Variants in RFX3 observed in about 807,000 individuals in gnomAD.
RFX3 encodes transcription factor RFX3.
RFX3 carries 14 observed loss-of-function variants against 98.6 expected under a neutral mutation model. The observed-to-expected ratio is 0.14, with a 90% CI of 0.09 to 0.22. The LOEUF is 0.22. RFX3 is among the 10% of genes least tolerant of loss of function. The pLI is 1.00. For synonymous variants in RFX3, 383 were observed against 328.4 expected, an observed-to-expected ratio of 1.17 and a Z score of -1.80; for missense variants, 639 against 926.9, an observed-to-expected ratio of 0.69 and a Z score of 4.03.
intron 3 of RFX3, among the ~76,000 whole-genome samples, chr9:3,335,395 G>C (rs924182651): frequency 3.3e-5 from 5 of 152,052 alleles, no homozygotes; most frequent in Non-Finnish European, 5.9e-5. Context: ...TGATATCTCA[G>C]ATCAGCTCAT....
At chr9:3,478,557 G>A (rs1849469480) in intron 1 of RFX3, among the ~76,000 whole-genome samples, 1 of 151,710 alleles carries the variant, frequency 6.6e-6, no homozygotes, top group African/African-American at 2.4e-5. Context: ...TCTACCTTTT[G>A]CCAAAGAAAT....
chr9:3,261,339 C>T (rs935556339), intron 13 of RFX3, among the ~76,000 whole-genome samples: 3 of 152,076 alleles, frequency 2.0e-5, no homozygotes, highest in Non-Finnish European at 4.4e-5. Flanking sequence ...TACCAATCTA[C>T]CTTCTGTCTG....
At chr9:3,281,680 T>C (rs1161445443) in intron 7 of RFX3, among the ~76,000 whole-genome samples, 4 of 151,822 alleles carry the variant, frequency 2.6e-5, no homozygotes, top group Non-Finnish European at 4.4e-5. Flanking sequence ...TCTCATGCTT[T>C]AATAGCTGAC....
rs1819242795 is a variant in RFX3 at position 3,525,962 on chromosome 9, G to A, written c.-224C>T. The A allele has an allele frequency of 8.0e-6, 4 of 497,816 alleles. No homozygotes were observed. The highest frequency in any genetic ancestry group is 8.8e-5 in the South Asian group (1 of 11,342). The allele number at this position is 497,816 out of a possible 1,614,324, so 30.8% of individuals were successfully genotyped here. Reference sequence around the variant, plus strand: ...AGAGGGAGAGAGAGAGAGAGCGAGAGGGAGAGGGAGACACTCGCACGGGGA... The same window carrying A: ...AGAGGGAGAGAGAGAGAGAGCGAGAAGGAGAGGGAGACACTCGCACGGGGA... On this transcript the variant is annotated 5_prime_UTR_variant, in exon 1 of 17. Coordinates refer to ENST00000617270, the MANE Select transcript of RFX3 (RefSeq NM_001282116.2).
At chr9:3,321,839 C>A (rs1035970984) in intron 4 of RFX3, among the ~76,000 whole-genome samples, 18 of 151,972 alleles carry the variant, frequency 1.2e-4, no homozygotes, top group African/African-American at 4.1e-4. Flanking sequence ...ATCTAATTTT[C>A]TTTTATAAAT....
At chr9:3,395,959 G>C (rs146563589) in intron 1 of RFX3, among the ~76,000 whole-genome samples, 67 of 151,982 alleles carry the variant, frequency 4.4e-4, no homozygotes, top group African/African-American at 1.6e-3. Context: ...ACCCTACCTG[G>C]ATGTAAGTGT....
chr9:3,456,681 T>C (rs1270576471), intron 1 of RFX3, among the ~76,000 whole-genome samples: 2 of 152,198 alleles, frequency 1.3e-5, no homozygotes, highest in African/African-American at 4.8e-5. Context: ...ATCTATTAAA[T>C]ATGTCATAAA....
chr9:3,486,852 T>A (rs988637532), intron 1 of RFX3, among the ~76,000 whole-genome samples: 1 of 152,190 alleles, frequency 6.6e-6, no homozygotes, highest in Non-Finnish European at 1.5e-5. Context: ...TATGTGCACA[T>A]AAGTAATTTC....
At chr9:3,366,098 A>G (rs1410172056) in intron 2 of RFX3, among the ~76,000 whole-genome samples, 1 of 151,970 alleles carries the variant, frequency 6.6e-6, no homozygotes, top group African/African-American at 2.4e-5. Flanking sequence ...CAGCTGAGAG[A>G]TTGTAGAAGC....
chr9:3,227,391 G>A (rs1194198207), intron 16 of RFX3, among the ~76,000 whole-genome samples: 1 of 152,154 alleles, frequency 6.6e-6, no homozygotes, highest in African/African-American at 2.4e-5. Flanking sequence ...ATAAAAGCAA[G>A]CCCATTCTCC....
chr9:3,408,227 G>A (rs1842132688), intron 1 of RFX3, among the ~76,000 whole-genome samples: 2 of 152,070 alleles, frequency 1.3e-5, no homozygotes, highest in South Asian at 4.1e-4. Context: ...CCTTCCTAAT[G>A]GCACTGCAAT....
chr9:3,499,440 T>C, intron 1 of RFX3, among the ~76,000 whole-genome samples: 1 of 152,040 alleles, frequency 6.6e-6, no homozygotes, highest in East Asian at 1.9e-4. Context: ...ATATTAATTA[T>C]AAAATCTATA....
intron 2 of RFX3, among the ~76,000 whole-genome samples, chr9:3,393,417 C>T (rs963367163): frequency 2.4e-4 from 37 of 151,944 alleles, no homozygotes; most frequent in African/African-American, 8.2e-4. Context: ...ACAGAAGGCA[C>T]CTTCCAGAGA....
intron 1 of RFX3, among the ~76,000 whole-genome samples, chr9:3,504,684 T>C (rs1405965358): frequency 4.5e-5 from 6 of 131,988 alleles, no homozygotes; most frequent in Non-Finnish European, 7.8e-5. Flanking sequence ...ATAAAATATA[T>C]ATTATATGCT....
At chr9:3,493,135 T>A (rs987449337) in intron 1 of RFX3, among the ~76,000 whole-genome samples, 37 of 152,264 alleles carry the variant, frequency 2.4e-4, no homozygotes, top group African/African-American at 8.9e-4. Context: ...ACACCCTCAG[T>A]AATATTTACA....
chr9:3,297,452 G>T (rs899540755), intron 5 of RFX3, among the ~76,000 whole-genome samples: 1 of 151,980 alleles, frequency 6.6e-6, no homozygotes, highest in Non-Finnish European at 1.5e-5. Flanking sequence ...AATCAAGATA[G>T]ACTAAAGATG....
At chr9:3,232,591 C>T (rs13293250) in intron 15 of RFX3, among the ~76,000 whole-genome samples, 8,940 of 152,248 alleles carry the variant, frequency 0.059, 366 homozygotes, top group Non-Finnish European at 0.088. Flanking sequence ...TAAATACTTA[C>T]CAGATGAATG....
Position 3,270,393 on chromosome 9 carries a change from G to A in RFX3, c.1335C>T (p.Pro445=), listed in dbSNP as rs551991758. Residue 445 remains proline, a synonymous_variant, in exon 11 of 17, where the codon CCC becomes CCT. Transcript: ENST00000617270. ...TACTAGGAATAGGTCTAAGGACGTC[G>A]GGGATGAGAATCTCCACCAAAGCCT... ...MYQALVEILI[P]DVLRPIPSAL... is the part of the protein sequence containing the mutation. 22 of 1,613,604 alleles carry A rather than the reference G, an allele frequency of 1.4e-5. No homozygotes were observed. The highest frequency in any genetic ancestry group is 4.0e-5 in the African/African-American group (3 of 75,030).
chr9:3,312,658 C>T (rs541377780), intron 4 of RFX3, among the ~76,000 whole-genome samples: 18 of 151,920 alleles, frequency 1.2e-4, no homozygotes, highest in Admixed American at 7.9e-4. Context: ...TTGTGAGCAA[C>T]GCAGAAGACG....
Sources: gnomAD v4.1 joint callset for allele counts (sites outside exome capture counted in the v4.1 genomes callset) on GRCh38, gnomAD v4.1.1 for gene constraint, MANE v1.5 for transcripts, NCBI Gene and HGNC (gene_info 2026-07-23, HGNC 2026-07-21) for gene names.